Variants in UBE3A observed in about 807,000 individuals in gnomAD.
The protein encoded by UBE3A is ubiquitin protein ligase E3A.
In UBE3A, 6 loss-of-function variants were observed where a neutral mutation model predicts 83.4. The ratio of observed to expected loss-of-function variants is 0.07; its 90% CI spans 0.04 to 0.14. UBE3A has a LOEUF of 0.14. Among genes scored for constraint, UBE3A ranks in the 10% least tolerant of loss-of-function variants. UBE3A has a pLI of 1.00. For synonymous variants in UBE3A, 337 were observed against 355.4 expected (o/e 0.95, Z 0.58); for missense variants, 456 against 1,036.1 (o/e 0.44, Z 7.69).
chr15:25,424,833 T>C (rs1567171868), intron 1 of UBE3A, among the ~76,000 whole-genome samples: 1 of 152,152 alleles, frequency 6.6e-6, no homozygotes, highest in African/African-American at 2.4e-5. Context: ...ACCTGTATAC[T>C]GAAAACTACA....
chr15:25,378,595 C>T lies in UBE3A; in HGVS notation c.63-2832G>A, dbSNP rs867369542. ...GAGAAATAGAACTGGAGTCAAATCACGAAACCAAGATCTCAAAGAAAGTAC... is the reference window on the plus strand; with the variant it reads ...GAGAAATAGAACTGGAGTCAAATCATGAAACCAAGATCTCAAAGAAAGTAC... On this transcript the variant is annotated intron_variant, in intron 4 of 12. Coordinates refer to ENST00000648336, the MANE Select transcript of UBE3A (RefSeq NM_130839.5). 2.6e-5 allele frequency among the ~76,000 whole-genome samples: 4 copies of T among 152,164 alleles called. No homozygotes were observed. In the Middle Eastern group the frequency reaches 0.01, roughly 388 times the overall value.
chr15:25,384,783 T>C (rs2082816007), intron 4 of UBE3A, among the ~76,000 whole-genome samples: 1 of 152,052 alleles, frequency 6.6e-6, no homozygotes, highest in African/African-American at 2.4e-5. Flanking sequence ...GCTATAGTAA[T>C]CAAAACACTA....
intron 4 of UBE3A, among the ~76,000 whole-genome samples, chr15:25,379,805 TTTTACATTTTTAAA>T (rs1345805420): frequency 6.6e-6 from 1 of 152,174 alleles, no homozygotes; most frequent in Non-Finnish European, 1.5e-5. Context: ...GCTTAGAATA[TTTTACATTTTTAAA>T]TGGCTGGAAA....
chr15:25,348,274 A>G (rs2076014661), intron 11 of UBE3A, among the ~76,000 whole-genome samples: 1 of 152,188 alleles, frequency 6.6e-6, no homozygotes, highest in Non-Finnish European at 1.5e-5. Flanking sequence ...TGTGAAAAAA[A>G]CAATTCAATG....
intron 4 of UBE3A, among the ~76,000 whole-genome samples, chr15:25,376,298 TTAAAAA>T (rs879422062): frequency 2.0e-5 from 3 of 152,190 alleles, no homozygotes; most frequent in Non-Finnish European, 4.4e-5. Context: ...CATGGGAGAC[TTAAAAA>T]TAAATTTGTA....
At chr15:25,358,923 T>G (rs2077610879) in intron 7 of UBE3A, among the ~76,000 whole-genome samples, 1 of 152,200 alleles carries the variant, frequency 6.6e-6, no homozygotes. Context: ...TTACAATTAA[T>G]AAATTTGTTC....
intron 4 of UBE3A, among the ~76,000 whole-genome samples, chr15:25,397,252 T>C (rs916761203): frequency 5.3e-5 from 8 of 152,204 alleles, no homozygotes; most frequent in African/African-American, 1.9e-4. Context: ...TCTAATTTCC[T>C]GTTACTCTAC....
chr15:25,402,470 C>T (rs987370351), intron 4 of UBE3A, among the ~76,000 whole-genome samples: 9 of 152,268 alleles, frequency 5.9e-5, no homozygotes, highest in South Asian at 4.1e-4. Flanking sequence ...CCACAGGGGC[C>T]GATCTAGAGG....
intron 1 of UBE3A, among the ~76,000 whole-genome samples, chr15:25,436,410 A>T (rs1429205782): frequency 6.6e-6 from 1 of 152,242 alleles, no homozygotes; most frequent in East Asian, 1.9e-4. Flanking sequence ...GCAGTCATTT[A>T]AGAAAATGGA....
At chr15:25,419,720 T>C (rs976663571) in intron 1 of UBE3A, among the ~76,000 whole-genome samples, 4 of 152,168 alleles carry the variant, frequency 2.6e-5, no homozygotes, top group South Asian at 2.1e-4. Flanking sequence ...ATAACACATA[T>C]AGAAGTAAAA....
At chr15:25,368,101 A>C (rs865917735) in intron 6 of UBE3A, among the ~76,000 whole-genome samples, 14 of 152,124 alleles carry the variant, frequency 9.2e-5, no homozygotes, top group South Asian at 4.1e-4. Flanking sequence ...AAAAGTGGCC[A>C]CTAGTTTGTT....
intron 4 of UBE3A, among the ~76,000 whole-genome samples, chr15:25,376,034 G>A (rs2081148661): frequency 6.6e-6 from 1 of 151,980 alleles, no homozygotes; most frequent in Non-Finnish European, 1.5e-5. Context: ...AAGGGGGGAG[G>A]GGGGCTTGTC....
intron 3 of UBE3A, chr15:25,408,640 C>T: frequency 6.2e-7 from 1 of 1,613,802 alleles, no homozygotes; most frequent in Non-Finnish European, 8.5e-7. Flanking sequence ...ACTGGTGCAG[C>T]TTCTCCATCC....
intron 1 of UBE3A, among the ~76,000 whole-genome samples, chr15:25,416,969 G>A (rs1393027537): frequency 6.6e-6 from 1 of 152,074 alleles, no homozygotes; most frequent in East Asian, 1.9e-4. Context: ...AAGCTGAAGT[G>A]GGTAAAATTG....
At chr15:25,367,266 T>C (rs144492381) in intron 6 of UBE3A, among the ~76,000 whole-genome samples, 3,270 of 122,934 alleles carry the variant, frequency 0.027, 45 homozygotes, top group Non-Finnish European at 0.04. Flanking sequence ...TGTAAATATG[T>C]AAATATTTAC....
intron 6 of UBE3A, among the ~76,000 whole-genome samples, chr15:25,369,387 A>AAC (rs1555399224): frequency 1.2e-4 from 18 of 146,298 alleles, no homozygotes; most frequent in Middle Eastern, 3.6e-3. Flanking sequence ...AAAAAAAAAA[A>AAC]ACACACAAAA....
chr15:25,343,765 T>C (rs1043398033), intron 11 of UBE3A, among the ~76,000 whole-genome samples: 7 of 152,116 alleles, frequency 4.6e-5, no homozygotes, highest in African/African-American at 1.7e-4. Flanking sequence ...CTCCTTAACA[T>C]ATAAAGTTTC....
chr15:25,380,413 C>T (rs766957015), intron 4 of UBE3A, among the ~76,000 whole-genome samples: 13 of 152,070 alleles, frequency 8.5e-5, no homozygotes, highest in Non-Finnish European at 1.5e-4. Flanking sequence ...TGTTTGCCAA[C>T]CCTTAGTTTA....
intron 6 of UBE3A, among the ~76,000 whole-genome samples, chr15:25,361,561 CTA>C (rs1407312299): frequency 3.9e-5 from 6 of 152,046 alleles, no homozygotes; most frequent in Non-Finnish European, 5.9e-5. Context: ...AAAATCAACA[CTA>C]GATTCCAATA....
Sources: allele counts gnomAD v4.1 joint callset (sites outside exome capture counted in the v4.1 genomes callset), GRCh38; gene constraint gnomAD v4.1.1; transcripts MANE v1.5; gene names NCBI Gene and HGNC (gene_info 2026-07-23, HGNC 2026-07-21).